The following PPP2R2B variants were observed in gnomAD, a reference collection of about 807,000 sequenced individuals.
PPP2R2B encodes protein phosphatase 2 regulatory subunit Bbeta, also known as serine/threonine-protein phosphatase 2A 55 kDa regulatory subunit B beta isoform.
Under a neutral mutation model 46.0 loss-of-function variants are expected in PPP2R2B, and 5 were observed. The ratio of observed to expected loss-of-function variants is 0.11; its 90% CI spans 0.06 to 0.23. The LOEUF (loss-of-function observed/expected upper bound fraction) is 0.23. Among genes scored for constraint, PPP2R2B ranks in the 10% least tolerant of loss-of-function variants. PPP2R2B has a pLI of 1.00. For synonymous variants in PPP2R2B, 215 were observed against 206.7 expected, an observed-to-expected ratio of 1.04 and a Z score of -0.34; for missense variants, 367 against 575.0, an observed-to-expected ratio of 0.64 and a Z score of 3.70.
intron 5 of PPP2R2B, among the ~76,000 whole-genome samples, chr5:146,677,176 A>G (rs1777785527): frequency 6.6e-6 from 1 of 152,162 alleles, no homozygotes; most frequent in Non-Finnish European, 1.5e-5. Context: ...AAACATCTGT[A>G]TATTTGGTTT....
intron 2 of PPP2R2B, among the ~76,000 whole-genome samples, chr5:146,753,534 G>A (rs1294492195): frequency 6.6e-6 from 1 of 152,106 alleles, no homozygotes; most frequent in African/African-American, 2.4e-5. Flanking sequence ...AGCTGTCTCA[G>A]GACTGGTAGC....
At chr5:146,848,333 GTTCA>G (rs1403910199) in intron 2 of PPP2R2B, among the ~76,000 whole-genome samples, 1 of 152,008 alleles carries the variant, frequency 6.6e-6, no homozygotes, top group Non-Finnish European at 1.5e-5. Flanking sequence ...AAAGTCCATA[GTTCA>G]TTCAGATTTG....
chr5:146,738,248 T>C (rs1264755350), intron 2 of PPP2R2B, among the ~76,000 whole-genome samples: 1 of 151,346 alleles, frequency 6.6e-6, no homozygotes, highest in Admixed American at 6.6e-5. Context: ...TACAAAAAAT[T>C]AGCCGGGCGT....
chr5:146,698,748 CT>C (rs3217532), intron 3 of PPP2R2B, among the ~76,000 whole-genome samples: 3,145 of 142,892 alleles, frequency 0.022, 67 homozygotes, highest in African/African-American at 0.051. Context: ...GCCCCTGCTC[CT>C]TTTTTTTTTT....
chr5:146,601,498 A>G (rs544586025), intron 7 of PPP2R2B, among the ~76,000 whole-genome samples: 4 of 152,216 alleles, frequency 2.6e-5, no homozygotes, highest in Admixed American at 2.0e-4. Flanking sequence ...ATGAGCTACT[A>G]TTGGGCCACT....
In PPP2R2B at chr5:147,066,348, G is replaced by GC. The variant is rs1757414299; in HGVS notation, c.50+14710_50+14711insG. Among the ~76,000 whole-genome samples the GC allele has an allele frequency of 3.9e-5, 6 of 152,152 alleles. No individual in the cohort carries two copies. The South Asian group carries it at 1.2e-3, about 32-fold the overall frequency. ...ATGCTGCATTGTAAATTCTTTACAT[G>GC]TATTAGCTAATTTAATCCTCACAAG... On this transcript the variant is annotated intron_variant, in intron 2 of 10. Transcript: ENST00000394413.
At chr5:146,795,454 A>G (rs530561124) in intron 2 of PPP2R2B, among the ~76,000 whole-genome samples, 1 of 152,276 alleles carries the variant, frequency 6.6e-6, no homozygotes, top group African/African-American at 2.4e-5. Context: ...ATACTGCATG[A>G]TCTCACTTAT....
intron 2 of PPP2R2B, among the ~76,000 whole-genome samples, chr5:147,072,721 T>C (rs1336141008): frequency 6.6e-6 from 1 of 152,218 alleles, no homozygotes; most frequent in East Asian, 1.9e-4. Flanking sequence ...TACTCTACCC[T>C]GACCAGGTAT....
At chr5:146,689,797 G>A (rs1778729239) in intron 5 of PPP2R2B, among the ~76,000 whole-genome samples, 1 of 152,192 alleles carries the variant, frequency 6.6e-6, no homozygotes, top group Non-Finnish European at 1.5e-5. Context: ...GAATGATAAG[G>A]TGGACTTACA....
chr5:146,747,264 G>T, intron 2 of PPP2R2B, among the ~76,000 whole-genome samples: 1 of 152,190 alleles, frequency 6.6e-6, no homozygotes, highest in East Asian at 1.9e-4. Context: ...GGACATGGGT[G>T]TAGATAGAAG....
chr5:146,640,179 C>T (rs1369568387), intron 6 of PPP2R2B, among the ~76,000 whole-genome samples: 1 of 152,174 alleles, frequency 6.6e-6, no homozygotes, highest in Non-Finnish European at 1.5e-5. Flanking sequence ...TTTGGTTGTG[C>T]CTCTTTCCCC....
At chr5:147,041,697 A>AG (rs1052241130) in intron 1 of PPP2R2B, among the ~76,000 whole-genome samples, 8 of 152,106 alleles carry the variant, frequency 5.3e-5, no homozygotes, top group Admixed American at 1.3e-4. Context: ...TCAGAGCTTT[A>AG]GGGGGGCTGT....
intron 1 of PPP2R2B, among the ~76,000 whole-genome samples, chr5:146,975,774 G>T (rs922711648): frequency 7.9e-5 from 12 of 152,004 alleles, no homozygotes; most frequent in Non-Finnish European, 1.6e-4. Flanking sequence ...TTGACTATTT[G>T]TATATTTTAT....
intron 2 of PPP2R2B, among the ~76,000 whole-genome samples, chr5:146,757,540 G>A (rs923391546): frequency 3.9e-5 from 6 of 152,106 alleles, no homozygotes; most frequent in African/African-American, 1.4e-4. Context: ...ACTTTGAAGA[G>A]GACATTGTTT....
Position 146,600,394 on chromosome 5 carries a change from T to C in PPP2R2B, c.857A>G (p.Asp286Gly). Residue 286 changes from aspartate (D) to glycine (G), a missense_variant, in exon 8 of 10, where the codon GAT becomes GGT. Coordinates refer to ENST00000394411, the MANE Select transcript of PPP2R2B (RefSeq NM_181675.4). ...FFSEIISSIS[D>G]VKFSHSGRYI... The stretch of plus-strand genomic sequence containing the variant: ...CCTCCCACTGTGGCTGAACTTCACA[T>C]CCGAAATCGAAGAGATAATTTCAGA... The C allele has an allele frequency of 6.2e-7, 1 of 1,613,980 alleles. No homozygotes were observed. The highest frequency in any genetic ancestry group is 8.5e-7 in the Non-Finnish European group (1 of 1,179,912).
At chr5:146,641,805 C>G (rs1343595192) in intron 6 of PPP2R2B, among the ~76,000 whole-genome samples, 2 of 152,052 alleles carry the variant, frequency 1.3e-5, no homozygotes, top group Non-Finnish European at 1.5e-5. Flanking sequence ...ATTCGTGGCT[C>G]CACGTATAAT....
chr5:146,736,292 G>T (rs1752533659), intron 2 of PPP2R2B, among the ~76,000 whole-genome samples: 1 of 152,120 alleles, frequency 6.6e-6, no homozygotes, highest in Admixed American at 6.5e-5. Context: ...ACCCATTCTT[G>T]GGTATGTCTT....
chr5:146,940,102 G>A lies in PPP2R2B; in HGVS notation c.79+115563C>T, dbSNP rs142706806. Reference sequence around the variant, plus strand: ...GGAAGTCTAGGTCAAGAAGAGATGAGTTAGCATTTGGTGAACAAAAGTATT... The same window carrying A: ...GGAAGTCTAGGTCAAGAAGAGATGAATTAGCATTTGGTGAACAAAAGTATT... On this transcript the variant is annotated intron_variant, in intron 1 of 8. Coordinates refer to the PPP2R2B transcript ENST00000336640. Among the ~76,000 whole-genome samples, 1,026 of 152,308 alleles carry A rather than the reference G, an allele frequency of 6.7e-3. 17 individuals are homozygous for A. The highest frequency in any genetic ancestry group is 0.024 in the African/African-American group (977 of 41,572).
intron 2 of PPP2R2B, among the ~76,000 whole-genome samples, chr5:146,857,295 G>T (rs1285065476): frequency 6.6e-6 from 1 of 151,912 alleles, no homozygotes; most frequent in East Asian, 1.9e-4. Flanking sequence ...CTATGAAAAA[G>T]GTGATATAAG....
Sources: gnomAD v4.1 joint callset for allele counts (sites outside exome capture counted in the v4.1 genomes callset) on GRCh38, gnomAD v4.1.1 for gene constraint, MANE v1.5 for transcripts, NCBI Gene and HGNC (gene_info 2026-07-23, HGNC 2026-07-21) for gene names.